Variants in KCNIP4 observed in about 807,000 individuals in gnomAD.
KCNIP4 encodes potassium voltage-gated channel interacting protein 4.
Under a neutral mutation model 34.0 loss-of-function variants are expected in KCNIP4, and 12 were observed. The observed-to-expected ratio is 0.35, with a 90% CI of 0.23 to 0.57. KCNIP4 has a LOEUF of 0.57. Ranked by LOEUF, KCNIP4 falls within the 20% of genes least tolerant of loss-of-function variation. The pLI, the probability that KCNIP4 is intolerant of heterozygous loss-of-function variation, is 0.83. For synonymous variants in KCNIP4, 124 were observed against 102.2 expected (o/e 1.21, Z -1.29); for missense variants, 238 against 311.7 (o/e 0.76, Z 1.78).
intron 1 of KCNIP4, among the ~76,000 whole-genome samples, chr4:21,549,067 A>C (rs955796644): frequency 9.9e-5 from 15 of 151,842 alleles, no homozygotes; most frequent in African/African-American, 3.4e-4. Context: ...ACCAGGCCAA[A>C]TGTCCCCTGG....
At chr4:21,107,056 G>GA (rs1169458729) in intron 1 of KCNIP4, among the ~76,000 whole-genome samples, 1 of 147,418 alleles carries the variant, frequency 6.8e-6, no homozygotes, top group African/African-American at 2.6e-5. Flanking sequence ...GTGTGGTGCT[G>GA]AAAAAAATGT....
intron 1 of KCNIP4, among the ~76,000 whole-genome samples, chr4:21,451,192 T>G (rs1728480961): frequency 6.6e-6 from 1 of 152,164 alleles, no homozygotes; most frequent in Non-Finnish European, 1.5e-5. Flanking sequence ...AGCTAGTTTT[T>G]GTTCTGTGGT....
chr4:21,802,484 T>G (rs1560725764), intron 1 of KCNIP4, among the ~76,000 whole-genome samples: 1 of 152,320 alleles, frequency 6.6e-6, no homozygotes, highest in Admixed American at 6.5e-5. Context: ...GTATTTTTTA[T>G]TTCCATATTG....
At chr4:20,986,166 C>T (rs1736558482) in intron 1 of KCNIP4, among the ~76,000 whole-genome samples, 1 of 152,124 alleles carries the variant, frequency 6.6e-6, no homozygotes. Flanking sequence ...CTGGTCCTGC[C>T]ACCCCTGCTC....
intron 1 of KCNIP4, among the ~76,000 whole-genome samples, chr4:21,347,928 G>A (rs917463066): frequency 6.6e-6 from 1 of 152,102 alleles, no homozygotes; most frequent in African/African-American, 2.4e-5. Context: ...AAGCTTAAAG[G>A]CTTCCACTGG....
chr4:21,883,430 T>C (rs1422749945), intron 1 of KCNIP4, among the ~76,000 whole-genome samples: 1 of 152,118 alleles, frequency 6.6e-6, no homozygotes, highest in Non-Finnish European at 1.5e-5. Flanking sequence ...ATTACAGACA[T>C]GAGCCACAGT....
At chr4:21,258,905 C>T (rs10018523) in intron 1 of KCNIP4, among the ~76,000 whole-genome samples, 28,179 of 151,860 alleles carry the variant, frequency 0.19, 4,300 homozygotes, top group African/African-American at 0.42. Context: ...AGCTAGAATA[C>T]GGAAACATTA....
At chr4:20,814,620 C>T (rs565201188) in intron 3 of KCNIP4, among the ~76,000 whole-genome samples, 75 of 152,254 alleles carry the variant, frequency 4.9e-4, no homozygotes, top group African/African-American at 1.5e-3. Flanking sequence ...AGCCCTTTTT[C>T]GTAACTGTTG....
intron 1 of KCNIP4, among the ~76,000 whole-genome samples, chr4:20,993,330 G>A (rs1315339973): frequency 6.6e-6 from 1 of 152,186 alleles, no homozygotes. Context: ...AGAAAGAGAA[G>A]ACATATGAAC....
At chr4:21,829,628 C>T (rs889459640) in intron 1 of KCNIP4, among the ~76,000 whole-genome samples, 1 of 151,996 alleles carries the variant, frequency 6.6e-6, no homozygotes, top group Admixed American at 6.6e-5. Context: ...TTAAAATAGC[C>T]TGTTACAAAA....
intron 2 of KCNIP4, among the ~76,000 whole-genome samples, chr4:20,863,959 CACAT>C (rs1171459170): frequency 6.7e-6 from 1 of 149,864 alleles, no homozygotes; most frequent in South Asian, 2.1e-4. Flanking sequence ...TATACACACA[CACAT>C]ACATATACAT....
intron 1 of KCNIP4, among the ~76,000 whole-genome samples, chr4:21,426,130 T>C (rs1037397147): frequency 9.2e-5 from 14 of 152,090 alleles, no homozygotes; most frequent in African/African-American, 3.1e-4. Context: ...TATTAAGACA[T>C]GCTACAACAT....
intron 1 of KCNIP4, among the ~76,000 whole-genome samples, chr4:21,125,188 C>CTTTTATTTTATT (rs71655614): frequency 8.4e-6 from 1 of 119,030 alleles, no homozygotes; most frequent in African/African-American, 3.2e-5. Flanking sequence ...TTTATTTTGT[C>CTTTTATTTTATT]TTATTTTATT....
At chr4:21,646,471 T>C (rs1477693557) in intron 1 of KCNIP4, among the ~76,000 whole-genome samples, 2 of 152,196 alleles carry the variant, frequency 1.3e-5, no homozygotes, top group South Asian at 2.1e-4. Context: ...CATACTAATA[T>C]AAAGATACCG....
chr4:21,183,268 C>T (rs1181229134), intron 1 of KCNIP4, among the ~76,000 whole-genome samples: 1 of 151,988 alleles, frequency 6.6e-6, no homozygotes, highest in Non-Finnish European at 1.5e-5. Context: ...CAATTGACTC[C>T]GTAGTCTAGC....
At chr4:21,670,197 T>A (rs1234698262) in intron 1 of KCNIP4, among the ~76,000 whole-genome samples, 14 of 151,914 alleles carry the variant, frequency 9.2e-5, no homozygotes, top group Admixed American at 9.2e-4. Context: ...AATGATGAAA[T>A]ACAACGTTGC....
At chr4:21,572,680 C>T (rs1460524230) in intron 1 of KCNIP4, among the ~76,000 whole-genome samples, 2 of 150,370 alleles carry the variant, frequency 1.3e-5, no homozygotes, top group Non-Finnish European at 2.9e-5. Context: ...GGCTGGAGTG[C>T]TATGGCATGA....
intron 3 of KCNIP4, among the ~76,000 whole-genome samples, chr4:20,831,524 C>T (rs934077253): frequency 1.3e-5 from 2 of 152,124 alleles, no homozygotes; most frequent in African/African-American, 4.8e-5. Context: ...CAGGTTCATC[C>T]AACTCTAACA....
intron 1 of KCNIP4, among the ~76,000 whole-genome samples, chr4:21,093,304 G>A (rs1442208804): frequency 1.3e-5 from 2 of 152,148 alleles, no homozygotes; most frequent in African/African-American, 4.8e-5. Flanking sequence ...CTTCCTAATA[G>A]CCCTTAATTA....
Sources: allele counts gnomAD v4.1 joint callset (sites outside exome capture counted in the v4.1 genomes callset), GRCh38; gene constraint gnomAD v4.1.1; transcripts MANE v1.5; gene names NCBI Gene and HGNC (gene_info 2026-07-23, HGNC 2026-07-21).